The following HTR1F variants were observed in gnomAD, a reference collection of about 807,000 sequenced individuals.
HTR1F encodes the protein 5-hydroxytryptamine (serotonin) receptor 1F, G protein-coupled.
Under a neutral mutation model 24.0 loss-of-function variants are expected in HTR1F, and 17 were observed. The observed-to-expected ratio is 0.71, with a 90% CI of 0.48 to 1.06. HTR1F has a LOEUF of 1.06. Ranked by LOEUF, HTR1F falls within the 50% of genes least tolerant of loss-of-function variation. The pLI is 0.00. For missense variants in HTR1F, 391 were observed against 427.8 expected (o/e 0.91, Z 0.76); for synonymous variants, 186 against 156.8 (o/e 1.19, Z -1.39).
intron 2 of HTR1F, among the ~76,000 whole-genome samples, chr3:87,876,124 T>G (rs1604701): frequency 0.37 from 56,359 of 152,054 alleles, 15,281 homozygotes; most frequent in African/African-American, 0.77. Context: ...GAAGGATGTG[T>G]AGAATTGGAG....
intron 2 of HTR1F, among the ~76,000 whole-genome samples, chr3:87,988,855 A>G (rs1705739567): frequency 6.6e-6 from 1 of 152,048 alleles, no homozygotes; most frequent in African/African-American, 2.4e-5. Flanking sequence ...CTGGTATTAC[A>G]GGAATGAGCT....
chr3:87,830,537 G>A (rs1048579383), intron 2 of HTR1F, among the ~76,000 whole-genome samples: 4 of 152,090 alleles, frequency 2.6e-5, no homozygotes, highest in African/African-American at 9.7e-5. Flanking sequence ...TTATCATCAT[G>A]AAGACATTAA....
intron 2 of HTR1F, among the ~76,000 whole-genome samples, chr3:87,886,676 A>C (rs1230345632): frequency 6.6e-6 from 1 of 152,190 alleles, no homozygotes; most frequent in South Asian, 2.1e-4. Flanking sequence ...AAAAATCACA[A>C]GCATTCGTCT....
Position 87,991,765 on chromosome 3 carries a change from A to C in HTR1F, c.1016A>C (p.Asn339Thr), listed in dbSNP as rs1353092746. Reference protein sequence around the residue: ...SNFLAWLGYLNSLINPLIYTI... With the variant: ...SNFLAWLGYLTSLINPLIYTI... ...TTTTTGGCATGGCTTGGGTATCTCA[A>C]TTCCCTTATAAATCCACTGATTTAC... The change falls in exon 3 of 3, where the codon AAT (asparagine) becomes ACT (threonine). Residue 339 changes from asparagine (N) to threonine (T), a missense_variant. Physicochemically the swap from Asn to Thr is moderately conservative, Grantham distance 65. Transcript: ENST00000319595. The C allele has an allele frequency of 6.2e-7, 1 of 1,613,460 alleles. No homozygotes were observed. The highest frequency in any genetic ancestry group is 1.1e-5 in the South Asian group (1 of 90,946).
At chr3:87,938,542 T>C (rs528372098) in intron 2 of HTR1F, among the ~76,000 whole-genome samples, 1 of 152,204 alleles carries the variant, frequency 6.6e-6, no homozygotes, top group African/African-American at 2.4e-5. Flanking sequence ...CAAACTATAC[T>C]ACAAGGCTAC....
intron 2 of HTR1F, among the ~76,000 whole-genome samples, chr3:87,832,737 G>C (rs1704609139): frequency 6.6e-6 from 1 of 152,192 alleles, no homozygotes; most frequent in Admixed American, 6.5e-5. Context: ...CTGTGTCATT[G>C]TCAGACAGCC....
At chr3:87,840,208 T>C (rs1281253189) in intron 2 of HTR1F, among the ~76,000 whole-genome samples, 3 of 152,190 alleles carry the variant, frequency 2.0e-5, no homozygotes, top group African/African-American at 7.2e-5. Flanking sequence ...GGTTATTTCT[T>C]TTTTGCTTGT....
rs528577054 is a variant in HTR1F, at chr3:87,851,475, C to A, written c.-43+29351C>A. On this transcript the variant is annotated intron_variant, in intron 2 of 2. Coordinates refer to ENST00000319595, the MANE Select transcript of HTR1F (RefSeq NM_001322209.2). ...AAAAATTTGCTTATATAATTTCTTA[C>A]ATATATAGGGGCTTTATTAGCTTTT... Among the ~76,000 whole-genome samples, 24 of 151,722 alleles carry A rather than the reference C, an allele frequency of 1.6e-4. No homozygotes were observed. The East Asian group carries it at 4.4e-3, about 28-fold the overall frequency.
intron 1 of HTR1F, among the ~76,000 whole-genome samples, chr3:87,821,305 T>C (rs978863580): frequency 1.6e-4 from 24 of 152,206 alleles, no homozygotes; most frequent in African/African-American, 5.5e-4. Context: ...AAGTACCTTA[T>C]CTGCATTGGT....
chr3:87,924,454 C>T (rs1295397503), intron 2 of HTR1F, among the ~76,000 whole-genome samples: 1 of 151,936 alleles, frequency 6.6e-6, no homozygotes, highest in Non-Finnish European at 1.5e-5. Flanking sequence ...AGTTGTATGT[C>T]TGTTCTACCA....
At chr3:87,920,929 T>C (rs1704000313) in intron 2 of HTR1F, among the ~76,000 whole-genome samples, 1 of 152,100 alleles carries the variant, frequency 6.6e-6, no homozygotes, top group Non-Finnish European at 1.5e-5. Context: ...CTATGTCCTC[T>C]TGCTTCTCCT....
At chr3:87,892,938 T>G (rs1268644412) in intron 2 of HTR1F, among the ~76,000 whole-genome samples, 1 of 151,948 alleles carries the variant, frequency 6.6e-6, no homozygotes, top group African/African-American at 2.4e-5. Context: ...TTAATTAAAT[T>G]CCTGAAAGGA....
chr3:87,954,554 T>C (rs759885630), intron 2 of HTR1F, among the ~76,000 whole-genome samples: 3 of 151,680 alleles, frequency 2.0e-5, no homozygotes, highest in Non-Finnish European at 4.4e-5. Context: ...AGAAATTCTA[T>C]AGTATAAAGC....
intron 2 of HTR1F, among the ~76,000 whole-genome samples, chr3:87,875,203 C>G (rs779153541): frequency 6.6e-6 from 1 of 152,232 alleles, no homozygotes; most frequent in East Asian, 1.9e-4. Flanking sequence ...GTAGTCCCAG[C>G]GCTTTGGGAG....
At chr3:87,880,100 T>C (rs1026090538) in intron 2 of HTR1F, among the ~76,000 whole-genome samples, 1 of 152,130 alleles carries the variant, frequency 6.6e-6, no homozygotes, top group Non-Finnish European at 1.5e-5. Flanking sequence ...TGATTCGGTA[T>C]ACAAAATTTT....
chr3:87,979,580 T>C (rs1576116887), intron 2 of HTR1F, among the ~76,000 whole-genome samples: 1 of 152,252 alleles, frequency 6.6e-6, no homozygotes, highest in Admixed American at 6.5e-5. Flanking sequence ...ACAAGATCCT[T>C]AGGTTGTCAC....
At chr3:87,818,098 A>G (rs1034356387) in intron 1 of HTR1F, among the ~76,000 whole-genome samples, 2 of 152,162 alleles carry the variant, frequency 1.3e-5, no homozygotes, top group Non-Finnish European at 2.9e-5. Context: ...TACTATTTGC[A>G]TCTTGTTGAA....
chr3:87,874,506 CAA>C (rs1410552413), intron 2 of HTR1F, among the ~76,000 whole-genome samples: 4 of 151,764 alleles, frequency 2.6e-5, no homozygotes, highest in African/African-American at 4.8e-5. Flanking sequence ...AAAACAAATG[CAA>C]AGATATCTCA....
At chr3:87,975,317 C>A (rs1483027948) in intron 2 of HTR1F, among the ~76,000 whole-genome samples, 1 of 151,796 alleles carries the variant, frequency 6.6e-6, no homozygotes, top group Admixed American at 6.6e-5. Flanking sequence ...TGCAAAAATC[C>A]AAATTTTGGA....
Sources: gnomAD v4.1 joint callset for allele counts (sites outside exome capture counted in the v4.1 genomes callset) on GRCh38, gnomAD v4.1.1 for gene constraint, MANE v1.5 for transcripts, NCBI Gene and HGNC (gene_info 2026-07-23, HGNC 2026-07-21) for gene names.